Variants in ACSBG1 observed in about 807,000 individuals in gnomAD.
The protein encoded by ACSBG1 is acyl-CoA synthetase bubblegum family member 1.
A neutral mutation model predicts 80.2 loss-of-function variants in ACSBG1; 39 were observed. The ratio of observed to expected loss-of-function variants is 0.49; its 90% CI spans 0.38 to 0.64. ACSBG1 has a LOEUF of 0.64. Among genes scored for constraint, ACSBG1 ranks in the 30% least tolerant of loss-of-function variants. The pLI is 0.00. For synonymous variants in ACSBG1, 392 were observed against 379.5 expected (o/e 1.03, Z -0.38); for missense variants, 828 against 966.4 (o/e 0.86, Z 1.90).
intron 1 of ACSBG1, among the ~76,000 whole-genome samples, chr15:78,221,664 G>A (rs148326808): frequency 0.013 from 1,909 of 152,208 alleles, 13 homozygotes; most frequent in Non-Finnish European, 0.019. Flanking sequence ...CTTCCCATGA[G>A]GCCATATCTC....
intron 1 of ACSBG1, among the ~76,000 whole-genome samples, chr15:78,216,071 A>T (rs2075309993): frequency 6.6e-6 from 1 of 152,194 alleles, no homozygotes; most frequent in Non-Finnish European, 1.5e-5. Context: ...TTGCTTTTTT[A>T]AAAAACATAA....
chr15:78,221,141 A>G (rs1011544604), intron 1 of ACSBG1, among the ~76,000 whole-genome samples: 2 of 152,192 alleles, frequency 1.3e-5, no homozygotes, highest in Non-Finnish European at 2.9e-5. Flanking sequence ...AGAGACAAAG[A>G]TATAGAGAAA....
At chr15:78,225,000 G>T (rs1251591618) in intron 1 of ACSBG1, among the ~76,000 whole-genome samples, 1 of 152,094 alleles carries the variant, frequency 6.6e-6, no homozygotes, top group Admixed American at 6.5e-5. Flanking sequence ...ACAAAAAAAA[G>T]TGTTGGAATT....
chr15:78,194,695 C>T lies in ACSBG1; in HGVS notation c.264G>A (p.Gly88=). The T allele has an allele frequency of 1.9e-6, 3 of 1,613,400 alleles. No individual in the cohort carries two copies. The highest frequency in any genetic ancestry group is 1.1e-5 in the South Asian group (1 of 91,066). The part of the protein sequence containing the change: ...EEALWTTRAD[G]RVRLRIDPSC... Reference sequence around the variant, plus strand: ...TGGGGTCTATGCGCAGGCGCACCCGCCCATCGGCCCGAGTCGTCCACAGCG... The same window carrying T: ...TGGGGTCTATGCGCAGGCGCACCCGTCCATCGGCCCGAGTCGTCCACAGCG... Residue 88 remains glycine (G), a synonymous_variant, in exon 3 of 14, where the codon GGG becomes GGA. Coordinates refer to ENST00000258873, the MANE Select transcript of ACSBG1 (RefSeq NM_015162.5).
Position 78,179,779 on chromosome 15 carries a change from C to T in ACSBG1, c.1255G>A (p.Asp419Asn), listed in dbSNP as rs1301475681. 1.9e-6 allele frequency: 3 copies of T among 1,610,906 alleles called. No homozygotes were observed. Among genetic ancestry groups the T allele is most frequent in the African/African-American group, 1.3e-5 (1 of 74,812 alleles). Residue 419 changes from aspartate (D) to asparagine (N), a missense_variant and splice_region_variant, in exon 10 of 14, where the codon GAC becomes AAC. Physicochemically the swap from Asp to Asn is conservative, Grantham distance 23. This residue lies in a region of ACSBG1 where 271 missense variants were observed against 375.9 expected (regional missense o/e 0.72). Coordinates refer to ENST00000258873, the MANE Select transcript of ACSBG1 (RefSeq NM_015162.5). ...LEQNLTCPGS[D>N]LKPFTTRLAD... ...AGTCTGGTTGTGAAGGGCTTCAGGT[C>T]GCTGGTGGGAGAGGGAGAATGGTTC...
In ACSBG1 at chr15:78,205,796, T is replaced by C. The variant is rs2075208625; in HGVS notation, c.232+2206A>G. Reference sequence around the variant, plus strand: ...AGTCTTTGATAGGGATAGTTGGCTTTTCCCAATCTTATCAAAAATGCTTTG... The same window carrying C: ...AGTCTTTGATAGGGATAGTTGGCTTCTCCCAATCTTATCAAAAATGCTTTG... On this transcript the variant is annotated intron_variant, in intron 2 of 13. Transcript: ENST00000258873. Among the ~76,000 whole-genome samples, 3 of 152,176 alleles carry C rather than the reference T, an allele frequency of 2.0e-5. No individual in the cohort carries two copies. The South Asian group carries it at 6.2e-4, about 31-fold the overall frequency.
intron 3 of ACSBG1, 89 bp from the exon 4 acceptor site, chr15:78,194,109 G>C: frequency 5.4e-6 from 7 of 1,291,598 alleles, no homozygotes; most frequent in Non-Finnish European, 7.8e-6. Context: ...GACTGCAGGG[G>C]ACCTGCAGGC....
At chr15:78,232,766 T>C (rs959943897) in intron 1 of ACSBG1, among the ~76,000 whole-genome samples, 38 of 151,356 alleles carry the variant, frequency 2.5e-4, no homozygotes, top group African/African-American at 9.0e-4. Flanking sequence ...CTCACTGCAA[T>C]TTCCACCTCC....
At position 78,172,381 on chromosome 15, in the gene ACSBG1, G is replaced by C. The variant is rs376087045; in HGVS notation, c.2090-852C>G. On this transcript the variant is annotated intron_variant, in intron 13 of 13. Coordinates refer to ENST00000258873, the MANE Select transcript of ACSBG1 (RefSeq NM_015162.5). The surrounding 1 kb of genome is among the most constrained non-coding windows in gnomAD (Gnocchi z 4.1). ...ATTATGCTTTGATGGTTGTGATGGGGGTAGGGGAAGCCCAGGTTATGGGGA... is the reference window on the plus strand; with the variant it reads ...ATTATGCTTTGATGGTTGTGATGGGCGTAGGGGAAGCCCAGGTTATGGGGA... Among the ~76,000 whole-genome samples the C allele has an allele frequency of 3.3e-5, 5 of 152,100 alleles. No homozygotes were observed. The highest frequency in any genetic ancestry group is 4.8e-5 in the African/African-American group (2 of 41,402).
At chr15:78,215,710 G>C (rs1408031718) in intron 1 of ACSBG1, among the ~76,000 whole-genome samples, 4 of 113,512 alleles carry the variant, frequency 3.5e-5, no homozygotes, top group African/African-American at 1.4e-4. Flanking sequence ...GAAGGAAAGA[G>C]AGAAAGAAAG....
chr15:78,197,287 G>C (rs1228413045), intron 2 of ACSBG1, among the ~76,000 whole-genome samples: 1 of 152,010 alleles, frequency 6.6e-6, no homozygotes, highest in Non-Finnish European at 1.5e-5. Context: ...GATCTTTTTG[G>C]GGTGAAGGAA....
At chr15:78,231,374 G>A (rs1409007896) in intron 1 of ACSBG1, among the ~76,000 whole-genome samples, 1 of 150,922 alleles carries the variant, frequency 6.6e-6, no homozygotes, top group African/African-American at 2.4e-5. Flanking sequence ...CAGGTGATCT[G>A]CCCACCTCGG....
Position 78,178,486 on chromosome 15 carries a change from G to T in ACSBG1, c.1702+128C>A, listed in dbSNP as rs1009161234. 1.1e-5 allele frequency: 11 copies of T among 1,017,618 alleles called. No individual in the cohort carries two copies. Among genetic ancestry groups the T allele is most frequent in the Non-Finnish European group, 1.5e-5 (11 of 721,716 alleles). The allele number at this position is 1,017,618 out of a possible 1,614,324, so 63.0% of individuals were successfully genotyped here. A position where few individuals can be genotyped will look rare whatever the true frequency, so the allele number is the denominator to read the frequency against. ...GCTAATTTTTCGTGTGTTTTTAGTA[G>T]AGATGGGGTTTCGCTGTGCTGCCCA... On this transcript the variant is annotated intron_variant, in intron 11 of 13. Coordinates refer to ENST00000258873, the MANE Select transcript of ACSBG1 (RefSeq NM_015162.5). The surrounding 1 kb of genome is among the most constrained non-coding windows in gnomAD (Gnocchi z 4.3).
chr15:78,209,579 T>C (rs1161401912), intron 1 of ACSBG1, among the ~76,000 whole-genome samples: 2 of 152,212 alleles, frequency 1.3e-5, no homozygotes, highest in African/African-American at 4.8e-5. Flanking sequence ...CTGCCTCCAC[T>C]TTGGGCCGCA....
In ACSBG1 at chr15:78,193,572, G is replaced by A. The variant is rs762383143; in HGVS notation, c.597C>T (p.Ile199=). Residue 199 remains isoleucine, a synonymous_variant, in exon 5 of 14, where the codon ATC becomes ATT. Transcript: ENST00000258873. ...TGACATTGGCGCAGCAGTCATAAGCGATGTACTGGCAGGCCTCTGGGGAGC... is the reference window on the plus strand; with the variant it reads ...TGACATTGGCGCAGCAGTCATAAGCAATGTACTGGCAGGCCTCTGGGGAGC... ...TTSSPEACQY[I]AYDCCANVIM... is the part of the protein sequence containing the mutation. 22 of 1,613,754 alleles carry A rather than the reference G, an allele frequency of 1.4e-5. No homozygotes were observed. In the South Asian group the frequency reaches 2.0e-4, roughly 15 times the overall value.
chr15:78,215,853 C>T (rs1463243437), intron 1 of ACSBG1, among the ~76,000 whole-genome samples: 6 of 152,092 alleles, frequency 3.9e-5, no homozygotes, highest in Admixed American at 3.3e-4. Flanking sequence ...CAGCACATGG[C>T]TCATTCCAAG....
chr15:78,178,829 G>A lies in ACSBG1; in HGVS notation c.1487C>T (p.Ser496Leu). 1.2e-6 allele frequency: 2 copies of A among 1,609,392 alleles called. No homozygotes were observed. Among genetic ancestry groups the A allele is most frequent in the Non-Finnish European group, 8.5e-7 (1 of 1,179,158 alleles). ...CCGACAGCCGGGCACCAACTTGCCT[G>A]AGCTGGCGAGGGAGGGGCCGGGAGA... ...SSPYNYRLYS[S>L]GKLVPGCRVK... The change falls in exon 11 of 14, where the codon TCA becomes TTA. Residue 496 changes from serine (S) to leucine (L), a missense_variant and splice_region_variant. Transcript: ENST00000258873. The surrounding 1 kb of genome is among the most constrained non-coding windows in gnomAD (Gnocchi z 4.3).
intron 2 of ACSBG1, among the ~76,000 whole-genome samples, chr15:78,198,042 CT>C (rs908713937): frequency 6.6e-5 from 10 of 151,862 alleles, no homozygotes; most frequent in African/African-American, 1.9e-4. Context: ...TTTTTCTTTC[CT>C]TTTTTTTGAC....
intron 2 of ACSBG1, among the ~76,000 whole-genome samples, chr15:78,203,436 T>C (rs1164751381): frequency 6.6e-6 from 1 of 152,228 alleles, no homozygotes; most frequent in African/African-American, 2.4e-5. Flanking sequence ...ACCAGCACAC[T>C]GCCCGCCCAC....
Sources: allele counts gnomAD v4.1 joint callset (sites outside exome capture counted in the v4.1 genomes callset), GRCh38; gene constraint gnomAD v4.1.1; regional missense constraint gnomAD v4.1.1; non-coding constraint Gnocchi (gnomAD v3.1); transcripts MANE v1.5; gene names NCBI Gene and HGNC (gene_info 2026-07-23, HGNC 2026-07-21).